The following DBF4B variants were observed in gnomAD, a reference collection of about 807,000 sequenced individuals.
DBF4B encodes the protein DBF4B-CDC7 kinase regulatory subunit, also known as protein DBF4 homolog B.
A neutral mutation model predicts 53.4 loss-of-function variants in DBF4B; 49 were observed. The ratio of observed to expected loss-of-function variants is 0.92; its 90% CI spans 0.73 to 1.16. The LOEUF is 1.16. Ranked by LOEUF, DBF4B falls within the 50% of genes most tolerant of loss-of-function variation. DBF4B has a pLI of 0.00. For missense variants in DBF4B, 692 were observed against 775.0 expected (o/e 0.89, Z 1.27); for synonymous variants, 257 against 288.7 (o/e 0.89, Z 1.11).
intron 10 of DBF4B, among the ~76,000 whole-genome samples, chr17:44,741,810 C>T (rs1173095318): frequency 6.6e-6 from 1 of 152,196 alleles, no homozygotes; most frequent in Non-Finnish European, 1.5e-5. Context: ...GAGCATGGAC[C>T]ATTGCAACCA....
chr17:44,738,121 C>T (rs879732062), intron 8 of DBF4B, among the ~76,000 whole-genome samples: 9 of 152,362 alleles, frequency 5.9e-5, no homozygotes, highest in Admixed American at 2.0e-4. Flanking sequence ...GGAGCTCCTG[C>T]GTCCTGCAGA....
intron 13 of DBF4B, chr17:44,748,994 C>T (rs2049194373): frequency 2.3e-6 from 3 of 1,289,730 alleles, no homozygotes; most frequent in Admixed American, 2.3e-5. Flanking sequence ...AAAGGGTGGC[C>T]CCCAGGGCCT....
At position 44,748,343 on chromosome 17, in the gene DBF4B, G is replaced by T; in HGVS notation, c.1067G>T (p.Trp356Leu). The change falls in exon 13 of 14, where the codon TGG becomes TTG. Residue 356 changes from tryptophan (W) to leucine (L), a missense_variant and splice_region_variant. Physicochemically the swap from Trp to Leu is moderately conservative, Grantham distance 61. Coordinates refer to ENST00000315005, the MANE Select transcript of DBF4B (RefSeq NM_145663.3). ...DIPFQAGLPR[W>L]SGSPASDCDP... ...TCACAGTGTTTCTGTCCCAACAGGTGGTCAGGTTCCCCAGCTTCTGATTGT... is the reference window on the plus strand; with the variant it reads ...TCACAGTGTTTCTGTCCCAACAGGTTGTCAGGTTCCCCAGCTTCTGATTGT... The T allele has an allele frequency of 1.9e-6, 3 of 1,594,544 alleles. No individual in the cohort carries two copies. The highest frequency in any genetic ancestry group is 2.6e-6 in the Non-Finnish European group (3 of 1,170,178).
rs1292592218 is a variant in DBF4B at position 44,708,739 on chromosome 17, G to A, written c.-82G>A. The A allele has an allele frequency of 4.7e-6, 7 of 1,497,414 alleles. No homozygotes were observed. Among genetic ancestry groups the A allele is most frequent in the South Asian group, 3.7e-5 (3 of 80,652 alleles). The allele number at this position is 1,497,414 out of a possible 1,614,324, so 92.8% of individuals were successfully genotyped here. On this transcript the variant is annotated 5_prime_UTR_variant, in exon 1 of 14. Coordinates refer to ENST00000315005, the MANE Select transcript of DBF4B (RefSeq NM_145663.3). ...CTGAGATAACCAGGACTGTGGAATC[G>A]GGAAGAGCTCATGGAGCTCGCGAAT...
chr17:44,714,337 T>G (rs190547381), intron 2 of DBF4B, among the ~76,000 whole-genome samples: 1 of 152,260 alleles, frequency 6.6e-6, no homozygotes, highest in Non-Finnish European at 1.5e-5. Context: ...AATAATACTT[T>G]TGAAAATGAA....
In DBF4B at chr17:44,747,096, G is replaced by A. The variant is rs766563865; in HGVS notation, c.844G>A (p.Gly282Arg). Residue 282 changes from glycine to arginine, a missense_variant, in exon 11 of 14, where the codon GGA (glycine) becomes AGA (arginine). This residue lies in a region of DBF4B where 597 missense variants were observed against 665.8 expected (regional missense o/e 0.90). Transcript: ENST00000315005. Reference sequence around the variant, plus strand: ...TACCCTCCCCAGAGAATCCAAGGATGGAGAGCCAAGCCCACGATCAGCTGC... The same window carrying A: ...TACCCTCCCCAGAGAATCCAAGGATAGAGAGCCAAGCCCACGATCAGCTGC... Reference protein sequence around the residue: ...SMHHTRESKDGEPSPRSAAHT... With the variant: ...SMHHTRESKDREPSPRSAAHT... 18 of 1,614,144 alleles carry A rather than the reference G, an allele frequency of 1.1e-5. No homozygotes were observed. The highest frequency in any genetic ancestry group is 8.3e-5 in the Admixed American group (5 of 60,028).
At chr17:44,747,016 AAGT>A in intron 10 of DBF4B, 64 bp from the exon 11 acceptor site, 1 of 1,447,184 alleles carries the variant, frequency 6.9e-7, no homozygotes, top group South Asian at 1.1e-5. Flanking sequence ...TCCAGGCTCT[AAGT>A]AGTGGCTCCT....
At chr17:44,741,252 G>A (rs1975993185) in intron 9 of DBF4B, 84 bp from the exon 10 acceptor site, 5 of 954,382 alleles carry the variant, frequency 5.2e-6, no homozygotes, top group Admixed American at 3.6e-5. Context: ...TATCAGGGCT[G>A]GAATTCTAGG....
rs931944483 is a variant in DBF4B, at chr17:44,751,717, C to T, written c.*464C>T. 6.9e-7 allele frequency: 1 copy of T among 1,442,240 alleles called. No homozygotes were observed. The highest frequency in any genetic ancestry group is 9.1e-7 in the Non-Finnish European group (1 of 1,099,936). 89.3% of individuals were successfully genotyped at this position (1,442,240 alleles called of 1,614,324 possible). A position where few individuals can be genotyped will look rare whatever the true frequency, so the allele number is the denominator to read the frequency against. ...CCTACCGCCTCCTCTTCACCTCCTT[C>T]CCTTCCACACTTCCTTCCTGGGTAG... On this transcript the variant is annotated 3_prime_UTR_variant, in exon 14 of 14. Transcript: ENST00000315005.
rs750616458 is a variant in DBF4B at position 44,709,359 on chromosome 17, G to A, written c.75G>A (p.Pro25=). Residue 25 remains proline, a synonymous_variant, in exon 2 of 14, where the codon CCG becomes CCA. Transcript: ENST00000315005. ...SSMAESRLRA[P]DLGVSRCLGK... ...TGGCTGAGAGTAGGCTCCGGGCCCC[G>A]GACCTAGGTGGGTAACAGGACAGAA... The A allele has an allele frequency of 4.8e-5, 77 of 1,613,994 alleles. No individual in the cohort carries two copies. The highest frequency in any genetic ancestry group is 2.2e-4 in the Admixed American group (13 of 59,990).
intron 2 of DBF4B, among the ~76,000 whole-genome samples, chr17:44,710,958 C>T (rs970619993): frequency 2.2e-5 from 3 of 136,536 alleles, no homozygotes; most frequent in African/African-American, 2.8e-5. Flanking sequence ...TTTTTATTTT[C>T]GTTTTTATTC....
chr17:44,746,994 C>A, intron 10 of DBF4B, 89 bp from the exon 11 acceptor site: 1 of 1,273,122 alleles, frequency 7.9e-7, no homozygotes, highest in Non-Finnish European at 1.1e-6. Context: ...CCTTCCCCTC[C>A]CTGACCTAGG....
At chr17:44,733,054 A>G (rs987972303) in intron 6 of DBF4B, among the ~76,000 whole-genome samples, 49 of 151,112 alleles carry the variant, frequency 3.2e-4, no homozygotes, top group Non-Finnish European at 6.8e-4. Context: ...AGTCCCAGCT[A>G]CTCGGGAGGC....
intron 2 of DBF4B, 82 bp from the exon 3 acceptor site, chr17:44,722,798 G>A (rs1973962764): frequency 1.3e-6 from 2 of 1,515,260 alleles, no homozygotes; most frequent in African/African-American, 1.4e-5. Flanking sequence ...ATAGCACACA[G>A]ACTGAGCTGT....
intron 3 of DBF4B, among the ~76,000 whole-genome samples, chr17:44,729,398 A>T (rs1029226535): frequency 1.3e-5 from 2 of 151,666 alleles, no homozygotes; most frequent in African/African-American, 4.8e-5. Flanking sequence ...TAGAGACAGG[A>T]TCTTACTATG....
chr17:44,724,746 G>C (rs1163956914), intron 3 of DBF4B, among the ~76,000 whole-genome samples: 3 of 152,186 alleles, frequency 2.0e-5, no homozygotes. Flanking sequence ...TTGGGAGGCT[G>C]AGGTGGGAGG....
rs1167939891 is a variant in DBF4B at position 44,751,588 on chromosome 17, G to T, written c.*335G>T. ...CCACCTTTCCCCTCTGCCCCAAAAT[G>T]CCATGCTCCTCTCCTGGAAAACACT... On this transcript the variant is annotated 3_prime_UTR_variant, in exon 14 of 14. Coordinates refer to ENST00000315005, the MANE Select transcript of DBF4B (RefSeq NM_145663.3). 5 of 1,334,566 alleles carry T rather than the reference G, an allele frequency of 3.7e-6. No individual in the cohort carries two copies. Among genetic ancestry groups the T allele is most frequent in the African/African-American group, 1.5e-5 (1 of 67,698 alleles). 82.7% of individuals were successfully genotyped at this position (1,334,566 alleles called of 1,614,324 possible). A position where few individuals can be genotyped will look rare whatever the true frequency, so the allele number is the denominator to read the frequency against.
rs967514338 is a variant in DBF4B, at chr17:44,738,531, T to C, written c.713+107T>C. 6 of 1,168,450 alleles carry C rather than the reference T, an allele frequency of 5.1e-6. No individual in the cohort carries two copies. In the African/African-American group the frequency reaches 9.2e-5, roughly 18 times the overall value. 72.4% of individuals were successfully genotyped at this position (1,168,450 alleles called of 1,614,324 possible). A position where few individuals can be genotyped will look rare whatever the true frequency, so the allele number is the denominator to read the frequency against. On this transcript the variant is annotated intron_variant, in intron 9 of 13. Transcript: ENST00000315005. ...AGCTAATGTGAAGACATGGAGCCCC[T>C]TAACCCTGCACCTTCATCTTCCTGA...
At chr17:44,738,445 CT>C in intron 9 of DBF4B, 21 bp downstream of exon 9, 1 of 1,612,578 alleles carries the variant, frequency 6.2e-7, no homozygotes, top group Non-Finnish European at 8.5e-7. Flanking sequence ...CCTCCTTTCT[CT>C]GCTTGCCCCA....
Sources: gnomAD v4.1 joint callset for allele counts (sites outside exome capture counted in the v4.1 genomes callset) on GRCh38, gnomAD v4.1.1 for gene constraint, gnomAD v4.1.1 regional missense constraint, MANE v1.5 for transcripts, NCBI Gene and HGNC (gene_info 2026-07-23, HGNC 2026-07-21) for gene names.